The following CCDC3 variants were observed in gnomAD, a reference collection of about 807,000 sequenced individuals.
The protein encoded by CCDC3 is coiled-coil domain containing 3.
Under a neutral mutation model 21.4 loss-of-function variants are expected in CCDC3, and 24 were observed. That is an observed-to-expected ratio of 1.12 (90% CI 0.81 to 1.58). CCDC3 has a LOEUF of 1.58. CCDC3 is among the 40% of genes most tolerant of loss of function. The probability of loss-of-function intolerance (pLI) is 0.00; values close to 1 mark genes in which losing one functional copy is unlikely to be tolerated. For synonymous variants in CCDC3, 186 were observed against 166.0 expected (o/e 1.12, Z -0.93); for missense variants, 425 against 360.9 (o/e 1.18, Z -1.44).
chr10:12,974,306 C>T (rs949023902), intron 2 of CCDC3, among the ~76,000 whole-genome samples: 17 of 152,178 alleles, frequency 1.1e-4, no homozygotes, highest in African/African-American at 3.1e-4. Context: ...CTGGCCAAGT[C>T]GTCATCAACA....
chr10:12,932,139 T>C (rs1383199946), intron 2 of CCDC3, among the ~76,000 whole-genome samples: 2 of 152,150 alleles, frequency 1.3e-5, no homozygotes, highest in Non-Finnish European at 2.9e-5. Flanking sequence ...TTGTAAATAT[T>C]GTTAGATTAT....
intron 4 of CCDC3, among the ~76,000 whole-genome samples, chr10:13,053,241 T>G (rs1836635809): frequency 6.6e-6 from 1 of 152,158 alleles, no homozygotes; most frequent in African/African-American, 2.4e-5. Flanking sequence ...ATTAGGAAGA[T>G]GAAAATATGT....
intron 2 of CCDC3, among the ~76,000 whole-genome samples, chr10:12,909,040 G>A (rs1834222552): frequency 6.6e-6 from 1 of 152,176 alleles, no homozygotes; most frequent in South Asian, 2.1e-4. Context: ...TAGATGCAAG[G>A]CTCCATCTTC....
chr10:12,959,403 G>A (rs1221130219), intron 2 of CCDC3, among the ~76,000 whole-genome samples: 1 of 152,022 alleles, frequency 6.6e-6, no homozygotes, highest in Non-Finnish European at 1.5e-5. Flanking sequence ...CCTGGCCTCA[G>A]GGGATCCACC....
intron 2 of CCDC3, among the ~76,000 whole-genome samples, chr10:12,976,217 G>T (rs1564305292): frequency 6.6e-6 from 1 of 152,230 alleles, no homozygotes; most frequent in African/African-American, 2.4e-5. Flanking sequence ...GCAGGGAAGG[G>T]CAACCTGCAG....
chr10:13,096,143 A>T (rs642347), intron 3 of CCDC3, among the ~76,000 whole-genome samples: 2 of 150,042 alleles, frequency 1.3e-5, no homozygotes, highest in East Asian at 3.9e-4. Context: ...TTCTCTCTCT[A>T]CTTCCTTCCT....
intron 3 of CCDC3, among the ~76,000 whole-genome samples, chr10:13,094,587 G>A (rs1273529683): frequency 6.6e-6 from 1 of 151,980 alleles, no homozygotes; most frequent in African/African-American, 2.4e-5. Context: ...AGGCAGGCCC[G>A]GCACAGAGAG....
intron 5 of CCDC3, among the ~76,000 whole-genome samples, chr10:13,048,526 C>G (rs1033638429): frequency 2.0e-5 from 3 of 152,100 alleles, no homozygotes; most frequent in Non-Finnish European, 4.4e-5. Context: ...TTTACACTTG[C>G]ACTTTACGGA....
At chr10:12,999,709 G>C (rs1237735732) in intron 1 of CCDC3, among the ~76,000 whole-genome samples, 1 of 152,152 alleles carries the variant, frequency 6.6e-6, no homozygotes, top group Non-Finnish European at 1.5e-5. Context: ...CGGAACTATT[G>C]GACAAACTGT....
chr10:12,996,417 C>T (rs1835762785), intron 2 of CCDC3, among the ~76,000 whole-genome samples: 1 of 151,524 alleles, frequency 6.6e-6, no homozygotes, highest in Non-Finnish European at 1.5e-5. Flanking sequence ...CTCACTGCAA[C>T]CTCCGCCTCC....
intron 2 of CCDC3, among the ~76,000 whole-genome samples, chr10:12,946,162 A>T (rs914890441): frequency 6.6e-6 from 1 of 152,224 alleles, no homozygotes; most frequent in Non-Finnish European, 1.5e-5. Context: ...CAAAGGGAAC[A>T]TAACAAGTCA....
At chr10:12,943,867 T>G (rs1404426612) in intron 2 of CCDC3, among the ~76,000 whole-genome samples, 1 of 152,198 alleles carries the variant, frequency 6.6e-6, no homozygotes, top group African/African-American at 2.4e-5. Context: ...GCTCACTTGT[T>G]ATGTGTCCAC....
At chr10:12,972,316 T>A (rs1036010146) in intron 2 of CCDC3, among the ~76,000 whole-genome samples, 7 of 152,138 alleles carry the variant, frequency 4.6e-5, no homozygotes, top group Non-Finnish European at 1.0e-4. Context: ...TGGAGACTCA[T>A]CCCTGCCATA....
At chr10:13,080,538 T>C (rs7088658) in intron 3 of CCDC3, among the ~76,000 whole-genome samples, 29,859 of 152,108 alleles carry the variant, frequency 0.2, 3,559 homozygotes, top group East Asian at 0.32. Flanking sequence ...AGAATATCAA[T>C]TTTTACCTAC....
chr10:13,072,119 T>C (rs1031107985), intron 4 of CCDC3, among the ~76,000 whole-genome samples: 3 of 152,230 alleles, frequency 2.0e-5, no homozygotes, highest in Admixed American at 2.0e-4. Context: ...TTGGGATTTT[T>C]TGAGCTGTCC....
intron 5 of CCDC3, among the ~76,000 whole-genome samples, chr10:13,017,221 A>G (rs1836075794): frequency 6.6e-6 from 1 of 151,938 alleles, no homozygotes; most frequent in Non-Finnish European, 1.5e-5. Context: ...AAGTTCTAAG[A>G]ATACCTGTTT....
chr10:12,939,415 G>A (rs895091797), intron 2 of CCDC3, among the ~76,000 whole-genome samples: 1 of 152,120 alleles, frequency 6.6e-6, no homozygotes, highest in African/African-American at 2.4e-5. Flanking sequence ...CAGATCTCAA[G>A]AGTTTGAGAC....
chr10:12,959,248 AC>A (rs1414031096), intron 2 of CCDC3, among the ~76,000 whole-genome samples: 1 of 151,446 alleles, frequency 6.6e-6, no homozygotes, highest in Non-Finnish European at 1.5e-5. Context: ...GCTCACTGCA[AC>A]CTCTGCCTCC....
chr10:13,042,986 T>C (rs1043242793), intron 5 of CCDC3, among the ~76,000 whole-genome samples: 1 of 151,900 alleles, frequency 6.6e-6, no homozygotes, highest in Non-Finnish European at 1.5e-5. Flanking sequence ...ATCTCAAATG[T>C]TCCTTCATAA....
Sources: gnomAD v4.1 joint callset for allele counts (sites outside exome capture counted in the v4.1 genomes callset) on GRCh38, gnomAD v4.1.1 for gene constraint, MANE v1.5 for transcripts, NCBI Gene and HGNC (gene_info 2026-07-23, HGNC 2026-07-21) for gene names.